ADAMTSL1: variants seen among roughly 807,000 people sequenced by gnomAD.
The protein encoded by ADAMTSL1 is ADAMTS like 1, also known as ADAMTS-like protein 1.
A neutral mutation model predicts 201.8 loss-of-function variants in ADAMTSL1; 126 were observed. That is an observed-to-expected ratio of 0.62 (90% confidence interval 0.54 to 0.72). The LOEUF is 0.72. Among genes scored for constraint, ADAMTSL1 ranks in the 30% least tolerant of loss-of-function variants. ADAMTSL1 has a pLI of 0.00. For synonymous variants in ADAMTSL1, 1,121 were observed against 903.4 expected, an observed-to-expected ratio of 1.24 and a Z score of -4.32; for missense variants, 2,679 against 2,277.8, an observed-to-expected ratio of 1.18 and a Z score of -3.59.
chr9:18,785,608 C>G (rs1217944973), intron 19 of ADAMTSL1, among the ~76,000 whole-genome samples: 1 of 152,162 alleles, frequency 6.6e-6, no homozygotes, highest in Non-Finnish European at 1.5e-5. Context: ...TTCAGTCATT[C>G]TATATAAACA....
intron 4 of ADAMTSL1, among the ~76,000 whole-genome samples, chr9:18,577,528 T>C (rs1435026230): frequency 6.6e-6 from 1 of 152,140 alleles, no homozygotes; most frequent in Admixed American, 6.5e-5. Context: ...AGCTCCTCTT[T>C]AACGAGCTGT....
In ADAMTSL1 at chr9:18,343,799, T is replaced by C. The variant is rs569776814; in HGVS notation, c.208-161030T>C. On this transcript the variant is annotated intron_variant, in intron 2 of 29. Coordinates refer to the ADAMTSL1 transcript ENST00000680146. ...CTGGCTTAGGGTCCCTGGGCATTTG[T>C]GCTTAAAGAATTCCATTTATTGAAT... is the stretch of plus-strand genomic sequence containing the variant. Among the ~76,000 whole-genome samples, 4 of 152,256 alleles carry C rather than the reference T, an allele frequency of 2.6e-5. No individual in the cohort carries two copies. The South Asian group carries it at 6.2e-4, about 24-fold the overall frequency.
At chr9:18,386,053 T>G (rs560053240) in intron 2 of ADAMTSL1, among the ~76,000 whole-genome samples, 1 of 152,320 alleles carries the variant, frequency 6.6e-6, no homozygotes, top group South Asian at 2.1e-4. Flanking sequence ...AACCATTAAT[T>G]CATCATATCT....
At chr9:18,570,187 C>G (rs539203744) in intron 3 of ADAMTSL1, among the ~76,000 whole-genome samples, 3 of 149,990 alleles carry the variant, frequency 2.0e-5, no homozygotes, top group African/African-American at 2.5e-5. Context: ...CGAGACTTGC[C>G]TGGAGAATGA....
intron 2 of ADAMTSL1, among the ~76,000 whole-genome samples, chr9:18,415,713 G>A (rs1216979262): frequency 6.6e-6 from 1 of 151,644 alleles, no homozygotes; most frequent in Admixed American, 6.6e-5. Flanking sequence ...AAACTCTAAG[G>A]ACAAAAAACA....
At chr9:17,919,522 C>G (rs1190071267) in intron 1 of ADAMTSL1, among the ~76,000 whole-genome samples, 3 of 152,024 alleles carry the variant, frequency 2.0e-5, no homozygotes, top group Non-Finnish European at 2.9e-5. Context: ...TATCTACCTT[C>G]TTAATACATT....
intron 26 of ADAMTSL1, among the ~76,000 whole-genome samples, chr9:18,900,847 C>T (rs2131602460): frequency 6.6e-6 from 1 of 152,268 alleles, no homozygotes; most frequent in South Asian, 2.1e-4. Context: ...TGATACCCAG[C>T]TGATGGGATG....
At chr9:18,721,188 C>T (rs887732826) in intron 14 of ADAMTSL1, among the ~76,000 whole-genome samples, 1 of 152,202 alleles carries the variant, frequency 6.6e-6, no homozygotes, top group South Asian at 2.1e-4. Context: ...TTTTTTGCCA[C>T]CCTGTGCTCC....
intron 2 of ADAMTSL1, among the ~76,000 whole-genome samples, chr9:18,421,132 G>A (rs1199829855): frequency 6.6e-6 from 1 of 152,184 alleles, no homozygotes; most frequent in Non-Finnish European, 1.5e-5. Context: ...TCACTGGAAT[G>A]CGTTCCCTGA....
At chr9:18,306,142 G>A (rs147531978) in intron 2 of ADAMTSL1, among the ~76,000 whole-genome samples, 5 of 152,228 alleles carry the variant, frequency 3.3e-5, no homozygotes, top group African/African-American at 4.8e-5. Flanking sequence ...AAGGAATAGC[G>A]TCAACATCAA....
chr9:18,572,152 G>A (rs895339139), intron 3 of ADAMTSL1, among the ~76,000 whole-genome samples: 1 of 150,468 alleles, frequency 6.6e-6, no homozygotes, highest in Admixed American at 6.6e-5. Context: ...CCGAGATCAC[G>A]CCACTACACT....
intron 8 of ADAMTSL1, among the ~76,000 whole-genome samples, chr9:18,660,462 G>T (rs914308987): frequency 6.6e-6 from 1 of 152,016 alleles, no homozygotes; most frequent in South Asian, 2.1e-4. Flanking sequence ...TTTTATACAC[G>T]CTATAATAGC....
At chr9:18,622,090 G>T (rs768403942) in intron 4 of ADAMTSL1, among the ~76,000 whole-genome samples, 153 bp from the exon 5 acceptor site, 5 of 151,830 alleles carry the variant, frequency 3.3e-5, no homozygotes, top group Non-Finnish European at 7.4e-5. Flanking sequence ...TTCTTAGCTT[G>T]ATTTAAATTC....
At chr9:17,979,483 C>G (rs1013372966) in intron 1 of ADAMTSL1, among the ~76,000 whole-genome samples, 7 of 151,766 alleles carry the variant, frequency 4.6e-5, no homozygotes, top group African/African-American at 1.5e-4. Context: ...TTATTACTCT[C>G]TATTGCATTG....
At chr9:18,325,144 A>G (rs1416512290) in intron 2 of ADAMTSL1, among the ~76,000 whole-genome samples, 3 of 152,232 alleles carry the variant, frequency 2.0e-5, no homozygotes, top group Admixed American at 6.5e-5. Context: ...GATGATGACT[A>G]TGTGAAGTGG....
chr9:18,373,863 G>T (rs1019614925), intron 2 of ADAMTSL1, among the ~76,000 whole-genome samples: 3 of 152,174 alleles, frequency 2.0e-5, no homozygotes, highest in African/African-American at 7.2e-5. Context: ...GGAATGCCAT[G>T]ACACACATAT....
At chr9:18,427,413 G>C (rs1453509424) in intron 2 of ADAMTSL1, among the ~76,000 whole-genome samples, 2 of 152,200 alleles carry the variant, frequency 1.3e-5, no homozygotes, top group African/African-American at 4.8e-5. Flanking sequence ...CTATGTCATA[G>C]AAGTGTGTTA....
intron 1 of ADAMTSL1, among the ~76,000 whole-genome samples, chr9:18,067,246 C>A (rs1334359551): frequency 6.6e-6 from 1 of 152,110 alleles, no homozygotes; most frequent in East Asian, 1.9e-4. Context: ...TCTTTTTGTG[C>A]TAACTTTCTC....
chr9:18,526,338 A>G (rs1393022686), intron 2 of ADAMTSL1, among the ~76,000 whole-genome samples: 1 of 152,342 alleles, frequency 6.6e-6, no homozygotes, highest in East Asian at 1.9e-4. Flanking sequence ...GTGTCTCTGC[A>G]CATGAGATGG....
Sources: allele counts gnomAD v4.1 joint callset (sites outside exome capture counted in the v4.1 genomes callset), GRCh38; gene constraint gnomAD v4.1.1; transcripts MANE v1.5; gene names NCBI Gene and HGNC (gene_info 2026-07-23, HGNC 2026-07-21).